Variants in NLRP5 observed in about 807,000 individuals in gnomAD.
NLRP5 encodes NLR family pyrin domain containing 5, also known as NACHT, LRR and PYD domains-containing protein 5.
NLRP5 carries 93 observed loss-of-function variants against 113.1 expected under a neutral mutation model. The ratio of observed to expected loss-of-function variants is 0.82; its 90% CI spans 0.70 to 0.98. The LOEUF (loss-of-function observed/expected upper bound fraction) is 0.98. Ranked by LOEUF, NLRP5 falls within the 50% of genes least tolerant of loss-of-function variation. The pLI is 0.00. For synonymous variants in NLRP5, 751 were observed against 600.7 expected, an observed-to-expected ratio of 1.25 and a Z score of -3.66; for missense variants, 1,808 against 1,514.3, an observed-to-expected ratio of 1.19 and a Z score of -3.22.
At chr19:56,000,206 C>T (rs375975923) in intron 1 of NLRP5, among the ~76,000 whole-genome samples, 16 of 152,214 alleles carry the variant, frequency 1.1e-4, no homozygotes, top group African/African-American at 3.1e-4. Context: ...GACAGTTGTC[C>T]GAGGACTGCC....
rs535847907 is a variant in NLRP5 at position 56,016,053 on chromosome 19, G to A, written c.565+255G>A. 4.1e-4 allele frequency among the ~76,000 whole-genome samples: 62 copies of A among 152,276 alleles called. No homozygotes were observed. The South Asian group carries it at 9.1e-3, about 22-fold the overall frequency. ...TAAGAATTGTATATACTTATGGGGC[G>A]TGAGGTTTCAATACACGCATATATT... On this transcript the variant is annotated intron_variant, in intron 4 of 14. Transcript: ENST00000390649.
At chr19:56,011,081 G>A (rs1233931096) in intron 3 of NLRP5, among the ~76,000 whole-genome samples, 1 of 151,858 alleles carries the variant, frequency 6.6e-6, no homozygotes, top group African/African-American at 2.4e-5. Flanking sequence ...GAGTCCAGGG[G>A]GGTTGAGGCT....
chr19:56,012,370 G>T (rs1311803594), intron 3 of NLRP5, among the ~76,000 whole-genome samples: 1 of 150,436 alleles, frequency 6.6e-6, no homozygotes, highest in African/African-American at 2.4e-5. Context: ...GGCTGCCTTC[G>T]AACTCCTGAC....
intron 11 of NLRP5, among the ~76,000 whole-genome samples, chr19:56,048,972 T>TTA (rs1199635324): frequency 5.3e-4 from 37 of 69,878 alleles, no homozygotes; most frequent in African/African-American, 1.7e-3. Context: ...TCTGATTTTT[T>TTA]TTTTTAATTT....
chr19:56,047,848 GCTAT>G (rs1983784874), intron 11 of NLRP5, among the ~76,000 whole-genome samples: 1 of 152,102 alleles, frequency 6.6e-6, no homozygotes, highest in Non-Finnish European at 1.5e-5. Context: ...TTACTGTGTT[GCTAT>G]CTATCTCATT....
At chr19:56,001,937 G>T (rs754179439) in intron 1 of NLRP5, among the ~76,000 whole-genome samples, 8 of 152,150 alleles carry the variant, frequency 5.3e-5, no homozygotes, top group African/African-American at 1.9e-4. Context: ...TGGCCAACCA[G>T]TACTGGCTGT....
Position 56,061,385 on chromosome 19 carries a change from T to G in NLRP5, c.3471-11T>G. The stretch of plus-strand genomic sequence containing the variant: ...ACATCTCAGTAACGAGTCCTCTCTC[T>G]GCCTCCCCAGGCTGTGGAAATGGCA... On this transcript the variant is annotated splice_polypyrimidine_tract_variant and intron_variant, in intron 14 of 14. Coordinates refer to ENST00000390649, the MANE Select transcript of NLRP5 (RefSeq NM_153447.4). The G allele has an allele frequency of 1.9e-6, 3 of 1,612,652 alleles. No homozygotes were observed. Among genetic ancestry groups the G allele is most frequent in the South Asian group, 2.2e-5 (2 of 90,884 alleles).
intron 3 of NLRP5, among the ~76,000 whole-genome samples, chr19:56,014,487 A>G (rs985298621): frequency 2.6e-5 from 4 of 152,110 alleles, no homozygotes; most frequent in Non-Finnish European, 5.9e-5. Flanking sequence ...TCAAAAAAAA[A>G]AAAAAAAAAT....
intron 11 of NLRP5, among the ~76,000 whole-genome samples, chr19:56,046,197 A>C (rs970904919): frequency 1.3e-5 from 2 of 152,126 alleles, no homozygotes; most frequent in African/African-American, 2.4e-5. Flanking sequence ...CTTTTCCTGC[A>C]TCTATTGAAA....
rs369197864 is a variant in NLRP5 at position 56,027,511 on chromosome 19, C to T, written c.1278C>T (p.Tyr426=). 90 of 1,613,856 alleles carry T rather than the reference C, an allele frequency of 5.6e-5. No individual in the cohort carries two copies. The African/African-American group carries it at 1.2e-3, about 21-fold the overall frequency. Residue 426 remains tyrosine, a synonymous_variant, in exon 7 of 15, where the codon TAC becomes TAT. Transcript: ENST00000390649. The stretch of plus-strand genomic sequence containing the variant: ...AGTCAGAGGTCGTGTCTCCCCGTTA[C>T]CTGTTAGTTAGAGGAATCTCCGGGG...
intron 8 of NLRP5, among the ~76,000 whole-genome samples, chr19:56,033,267 A>AT (rs1983192756): frequency 6.6e-6 from 1 of 152,016 alleles, no homozygotes; most frequent in Non-Finnish European, 1.5e-5. Flanking sequence ...AAAACAAAAA[A>AT]AAACCTTGTG....
chr19:55,987,812 A>G, the NLRP5 span: 4 of 1,612,418 alleles, frequency 2.5e-6, no homozygotes, highest in East Asian at 2.2e-5. Flanking sequence ...ACCTCCCTCC[A>G]GCTGTATTCC....
chr19:56,032,815 T>C (rs764669202), intron 8 of NLRP5, 34 bp downstream of exon 8: 71 of 1,571,508 alleles, frequency 4.5e-5, no homozygotes, highest in Non-Finnish European at 6.1e-5. Flanking sequence ...GAGAATCCCT[T>C]CCCATGACGC....
At chr19:55,991,155 C>G in the NLRP5 span, among the ~76,000 whole-genome samples, 4 of 152,124 alleles carry the variant, frequency 2.6e-5, no homozygotes, top group Admixed American at 2.0e-4. Context: ...TTGAATTAAT[C>G]TGTCATCTTG....
Position 56,027,128 on chromosome 19 carries a change from A to C in NLRP5, c.895A>C (p.Ile299Leu). 6.3e-7 allele frequency: 1 copy of C among 1,593,358 alleles called. No homozygotes were observed. The highest frequency in any genetic ancestry group is 8.5e-7 in the Non-Finnish European group (1 of 1,170,080). Residue 299 changes from isoleucine to leucine, a missense_variant, in exon 7 of 15, where the codon ATC (isoleucine) becomes CTC (leucine). Transcript: ENST00000390649. ...TGGGAAATCGGCTCTAGCCAGAAGG[A>C]TCGTGCTGTGCTGGGCGCAAGGTGG...
rs371511602 is a variant in NLRP5 at position 56,027,194 on chromosome 19, G to C, written c.961G>C (p.Val321Leu). The change falls in exon 7 of 15, where the codon GTT (valine) becomes CTT (leucine). Residue 321 changes from valine (V) to leucine (L), a missense_variant. Transcript: ENST00000390649. ...GTTCTCCTACGTCTTCTTCCTCCCC[G>C]TTAGAGAGATGCAGCGGAAGAAGGA... The C allele has an allele frequency of 6.2e-7, 1 of 1,610,106 alleles. No individual in the cohort carries two copies. Among genetic ancestry groups the C allele is most frequent in the Non-Finnish European group, 8.5e-7 (1 of 1,178,356 alleles).
the NLRP5 span, among the ~76,000 whole-genome samples, chr19:55,990,484 G>A: frequency 3.3e-5 from 5 of 151,718 alleles, no homozygotes; most frequent in East Asian, 9.9e-4. Flanking sequence ...TGAGGTCAGG[G>A]GTTTGAGACC....
At chr19:56,052,023 G>A (rs59114397) in intron 12 of NLRP5, among the ~76,000 whole-genome samples, 6,678 of 152,190 alleles carry the variant, frequency 0.044, 224 homozygotes, top group African/African-American at 0.093. Context: ...TAGTCAATTA[G>A]AGACATCATT....
At chr19:56,044,212 C>T (rs306440) in intron 11 of NLRP5, among the ~76,000 whole-genome samples, 17,074 of 147,286 alleles carry the variant, frequency 0.12, 1,001 homozygotes, top group East Asian at 0.23. Flanking sequence ...TACAGGCACC[C>T]GCCACCATGC....
Sources: gnomAD v4.1 joint callset for allele counts (sites outside exome capture counted in the v4.1 genomes callset) on GRCh38, gnomAD v4.1.1 for gene constraint, MANE v1.5 for transcripts, NCBI Gene and HGNC (gene_info 2026-07-23, HGNC 2026-07-21) for gene names.